DHX29: variants seen among roughly 807,000 people sequenced by gnomAD.
DHX29 encodes the protein DExH-box helicase 29, also known as ATP-dependent RNA helicase DHX29.
A neutral mutation model predicts 167.9 loss-of-function variants in DHX29; 79 were observed. The ratio of observed to expected loss-of-function variants is 0.47; its 90% CI spans 0.39 to 0.57. DHX29 has a LOEUF of 0.57. Among genes scored for constraint, DHX29 ranks in the 20% least tolerant of loss-of-function variants. The pLI is 0.00. For synonymous variants in DHX29, 530 were observed against 546.0 expected (o/e 0.97, Z 0.41); for missense variants, 1,347 against 1,593.4 (o/e 0.85, Z 2.63).
At chr5:55,290,431 G>T in intron 6 of DHX29, 87 bp from the exon 7 acceptor site, 1 of 1,399,584 alleles carries the variant, frequency 7.1e-7, no homozygotes, top group Non-Finnish European at 9.5e-7. Context: ...ATCAAAATCT[G>T]TGATATTTTT....
chr5:55,285,424 GA>G lies in DHX29; in HGVS notation c.1233-9del. ...GACTTGATTACCCTAACCCTACAAA[GA>G]AGCAAACGCATTTTAAAAAAATAAA... On this transcript the variant is annotated splice_polypyrimidine_tract_variant and intron_variant, in intron 9 of 26. Transcript: ENST00000251636. The G allele has an allele frequency of 6.3e-7, 1 of 1,590,266 alleles. No homozygotes were observed. Among genetic ancestry groups the G allele is most frequent in the Non-Finnish European group, 8.6e-7 (1 of 1,169,494 alleles).
intron 23 of DHX29, among the ~76,000 whole-genome samples, chr5:55,265,913 T>C (rs955245961): frequency 1.3e-5 from 2 of 152,202 alleles, no homozygotes; most frequent in African/African-American, 4.8e-5. Context: ...TCCATATAAT[T>C]TGATGTGTGT....
chr5:55,295,641 T>C lies in DHX29; in HGVS notation c.506-117A>G, dbSNP rs796436491. 1.8e-5 allele frequency: 17 copies of C among 933,410 alleles called. No individual in the cohort carries two copies. The African/African-American group carries it at 2.8e-4, about 16-fold the overall frequency. 57.8% of individuals were successfully genotyped at this position (933,410 alleles called of 1,614,324 possible). On this transcript the variant is annotated intron_variant, in intron 4 of 26. Coordinates refer to ENST00000251636, the MANE Select transcript of DHX29 (RefSeq NM_019030.4). ...ACTTAGAGCACCTAATTTTCTTCTA[T>C]TCCCTCATCTCCTAAGAATAGAAAT...
Position 55,287,003 on chromosome 5 carries a change from G to T in DHX29, c.1067-1142C>A, listed in dbSNP as rs183878801. On this transcript the variant is annotated intron_variant, in intron 8 of 26. Coordinates refer to ENST00000251636, the MANE Select transcript of DHX29 (RefSeq NM_019030.4). Reference sequence around the variant, plus strand: ...TTCCCAATCCAAATTAGACCCCTTTGTTATCTATATTAGAAGCTACTTCCT... The same window carrying T: ...TTCCCAATCCAAATTAGACCCCTTTTTTATCTATATTAGAAGCTACTTCCT... 4.3e-4 allele frequency among the ~76,000 whole-genome samples: 65 copies of T among 152,236 alleles called. No homozygotes were observed. The East Asian group carries it at 9.3e-3, about 22-fold the overall frequency.
intron 1 of DHX29, among the ~76,000 whole-genome samples, chr5:55,306,888 A>G (rs1015177338): frequency 2.0e-5 from 3 of 152,246 alleles, no homozygotes; most frequent in African/African-American, 7.2e-5. Context: ...ACAATAGATT[A>G]CACGTAACCA....
At position 55,276,150 on chromosome 5, in the gene DHX29, T is replaced by G. The variant is rs537994946; in HGVS notation, c.2427+116A>C. ...ATTTGTTCATTCTCAGATCTGTTCC[T>G]CATCTATCAAATTATACTCAAATTC... is the stretch of plus-strand genomic sequence containing the variant. On this transcript the variant is annotated intron_variant, in intron 14 of 26. Coordinates refer to ENST00000251636, the MANE Select transcript of DHX29 (RefSeq NM_019030.4). 8 of 856,902 alleles carry G rather than the reference T, an allele frequency of 9.3e-6. No homozygotes were observed. The South Asian group carries it at 1.2e-4, about 13-fold the overall frequency. The allele number at this position is 856,902 out of a possible 1,614,324, so 53.1% of individuals were successfully genotyped here.
chr5:55,294,979 G>A lies in DHX29; in HGVS notation c.651+400C>T, dbSNP rs187876779. On this transcript the variant is annotated intron_variant, in intron 5 of 26. Transcript: ENST00000251636. Reference sequence around the variant, plus strand: ...GAAGCCAGATGCAATAAGAAGTCCAGCCACCCTAAGACCACTATATGTGAG... The same window carrying A: ...GAAGCCAGATGCAATAAGAAGTCCAACCACCCTAAGACCACTATATGTGAG... The A allele has an allele frequency of 1.4e-3, 212 of 156,838 alleles. 2 individuals carry two copies. In the Middle Eastern group the frequency reaches 0.023, roughly 17 times the overall value. 9.7% of individuals were successfully genotyped at this position (156,838 alleles called of 1,614,324 possible). A position where few individuals can be genotyped will look rare whatever the true frequency, so the allele number is the denominator to read the frequency against.
At chr5:55,285,515 T>C in intron 9 of DHX29, 99 bp from the exon 10 acceptor site, 1 of 1,315,644 alleles carries the variant, frequency 7.6e-7, no homozygotes, top group Middle Eastern at 2.7e-4. Context: ...TTGTTAATTA[T>C]TTAAATATTT....
In DHX29 at chr5:55,273,309, G is replaced by A. The variant is rs751055193; in HGVS notation, c.2759C>T (p.Pro920Leu). ...QDQAAAFTLPPPGVRKIVLAT... is the reference protein window; with the variant it reads ...QDQAAAFTLPLPGVRKIVLAT... ...AAATTTTACCTTCCTGACTCCTGGA[G>A]GGGGAAGTGTGAATGCTGCAGCTTG... The change falls in exon 17 of 27, where the codon CCT becomes CTT. Residue 920 changes from proline (P) to leucine (L), a missense_variant. By Grantham distance (98) the Pro-to-Leu change is moderately conservative. Coordinates refer to ENST00000251636, the MANE Select transcript of DHX29 (RefSeq NM_019030.4). The A allele has an allele frequency of 6.3e-7, 1 of 1,597,582 alleles. No homozygotes were observed. The highest frequency in any genetic ancestry group is 8.6e-7 in the Non-Finnish European group (1 of 1,169,292).
At chr5:55,286,377 T>G (rs761946800) in intron 8 of DHX29, among the ~76,000 whole-genome samples, 1 of 152,140 alleles carries the variant, frequency 6.6e-6, no homozygotes, top group Non-Finnish European at 1.5e-5. Flanking sequence ...TTAAAAATAA[T>G]TATCTTGAGG....
At position 55,285,217 on chromosome 5, in the gene DHX29, T is replaced by A; in HGVS notation, c.1356+76A>T. On this transcript the variant is annotated intron_variant, in intron 10 of 26. Transcript: ENST00000251636. The stretch of plus-strand genomic sequence containing the variant: ...AGAAAGGATTAATCAGAAGAAACAG[T>A]CAATAAAGAGAAAATTGAACCATAA... The A allele has an allele frequency of 1.9e-6, 3 of 1,560,294 alleles. No individual in the cohort carries two copies. The South Asian group carries it at 3.6e-5, about 19-fold the overall frequency.
chr5:55,301,637 C>T (rs1016412475), intron 1 of DHX29, among the ~76,000 whole-genome samples: 3 of 144,356 alleles, frequency 2.1e-5, no homozygotes, highest in African/African-American at 5.2e-5. Context: ...CGCTTGAACT[C>T]AGAAGGCGGA....
rs913670387 is a variant in DHX29 at position 55,261,552 on chromosome 5, G to A, written c.3829-53C>T. The A allele has an allele frequency of 3.5e-6, 4 of 1,135,538 alleles. No homozygotes were observed. The African/African-American group carries it at 6.4e-5, about 18-fold the overall frequency. The allele number at this position is 1,135,538 out of a possible 1,614,324, so 70.3% of individuals were successfully genotyped here. On this transcript the variant is annotated intron_variant, in intron 24 of 26. Coordinates refer to ENST00000251636, the MANE Select transcript of DHX29 (RefSeq NM_019030.4). The stretch of plus-strand genomic sequence containing the variant: ...CTTCAAAATATAAAAATAGAAGGAG[G>A]TCATTTATCTTTTTCAAGTAAGCAT...
Position 55,281,444 on chromosome 5 carries a change from T to G in DHX29, c.2037A>C (p.Thr679=), listed in dbSNP as rs773741544. ...GAAGTTTCCTTAGCAAAACCCCTGT[T>G]GTACAATAGAGTAACCTGGTAGATT... The part of the protein sequence containing the change: ...ACESTRLLYC[T]TGVLLRKLQE... The change falls in exon 12 of 27, where the codon ACA becomes ACC. Residue 679 remains threonine (T), a synonymous_variant. Transcript: ENST00000251636. 1 of 1,601,052 alleles carries G rather than the reference T, an allele frequency of 6.2e-7. No homozygotes were observed. The highest frequency in any genetic ancestry group is 1.7e-5 in the Admixed American group (1 of 58,262).
At chr5:55,306,927 T>C (rs1433132379) in intron 1 of DHX29, among the ~76,000 whole-genome samples, 2 of 152,166 alleles carry the variant, frequency 1.3e-5, no homozygotes, top group Admixed American at 6.5e-5. Context: ...AGTCCTGTAA[T>C]TTTTATTAAG....
chr5:55,299,404 T>A (rs1210444187), intron 1 of DHX29, among the ~76,000 whole-genome samples: 1 of 152,170 alleles, frequency 6.6e-6, no homozygotes, highest in East Asian at 1.9e-4. Flanking sequence ...GTTCCTATCA[T>A]CTTTTCTCCT....
chr5:55,306,514 G>A (rs1748870530), intron 1 of DHX29, among the ~76,000 whole-genome samples: 2 of 150,908 alleles, frequency 1.3e-5, no homozygotes, highest in South Asian at 4.2e-4. Context: ...TCTATTATAA[G>A]GCTATAAATA....
chr5:55,265,670 T>TAAAAAAAAAAAA (rs11362570), intron 23 of DHX29, among the ~76,000 whole-genome samples: 6 of 143,482 alleles, frequency 4.2e-5, no homozygotes, highest in Non-Finnish European at 3.0e-5. Flanking sequence ...GAACTAGCTG[T>TAAAAAAAAAAAA]AAAAAAAAAA....
At chr5:55,295,220 A>T (rs541882622) in intron 5 of DHX29, 159 bp downstream of exon 5, 5 of 618,128 alleles carry the variant, frequency 8.1e-6, no homozygotes, top group Middle Eastern at 4.4e-4. Flanking sequence ...GTGGTTTGTT[A>T]TATAACTAAA....
Sources: allele counts gnomAD v4.1 joint callset (sites outside exome capture counted in the v4.1 genomes callset), GRCh38; gene constraint gnomAD v4.1.1; transcripts MANE v1.5; gene names NCBI Gene and HGNC (gene_info 2026-07-23, HGNC 2026-07-21).